Variants in SETX observed in about 807,000 individuals in gnomAD.
SETX encodes senataxin.
A neutral mutation model predicts 227.2 loss-of-function variants in SETX; 90 were observed. The ratio of observed to expected loss-of-function variants is 0.40; its 90% CI spans 0.33 to 0.47. The LOEUF is 0.47. Among genes scored for constraint, SETX ranks in the 20% least tolerant of loss-of-function variants. The pLI is 0.91. For missense variants in SETX, 3,052 were observed against 3,181.5 expected (o/e 0.96, Z 0.98); for synonymous variants, 1,210 against 1,113.2 (o/e 1.09, Z -1.73).
chr9:132,295,114 T>C (rs1844593553), intron 15 of SETX, among the ~76,000 whole-genome samples: 1 of 152,176 alleles, frequency 6.6e-6, no homozygotes, highest in African/African-American at 2.4e-5. Context: ...AGTGTTAAGG[T>C]TAAATAAAAT....
At chr9:132,304,699 A>C (rs1011272328) in intron 11 of SETX, among the ~76,000 whole-genome samples, 1 of 151,996 alleles carries the variant, frequency 6.6e-6, no homozygotes, top group African/African-American at 2.4e-5. Context: ...ACCGGGAAGG[A>C]AAAGAATACT....
At chr9:132,316,082 C>T (rs1391152992) in intron 10 of SETX, among the ~76,000 whole-genome samples, 1 of 152,178 alleles carries the variant, frequency 6.6e-6, no homozygotes, top group Non-Finnish European at 1.5e-5. Context: ...AACTCTATAT[C>T]CTATAAATGA....
intron 4 of SETX, among the ~76,000 whole-genome samples, chr9:132,343,041 C>T (rs891486857): frequency 1.1e-4 from 17 of 151,756 alleles, no homozygotes; most frequent in African/African-American, 3.1e-4. Context: ...CCTTTTTTGC[C>T]GGGCGCGGTG....
At chr9:132,355,819 T>C (rs1848880336), upstream of SETX, among the ~76,000 whole-genome samples, 1 of 151,978 alleles carries the variant, frequency 6.6e-6, no homozygotes, top group Admixed American at 6.5e-5. Context: ...AAACTCCGTC[T>C]CTACTAAAAA....
At chr9:132,349,582 C>A in intron 2 of SETX, 147 bp from the exon 3 acceptor site, 1 of 743,184 alleles carries the variant, frequency 1.3e-6, no homozygotes, top group Admixed American at 2.6e-5. Flanking sequence ...GCTTATCAAT[C>A]ACTGATTCAC....
intron 20 of SETX, among the ~76,000 whole-genome samples, chr9:132,279,354 G>A (rs1843363791): frequency 6.6e-6 from 1 of 152,096 alleles, no homozygotes; most frequent in South Asian, 2.1e-4. Context: ...CATGGCACAT[G>A]TATACATATG....
At chr9:132,283,447 G>A (rs1039241230) in intron 18 of SETX, 34 bp from the exon 19 acceptor site, 13 of 1,613,250 alleles carry the variant, frequency 8.1e-6, no homozygotes, top group Non-Finnish European at 1.1e-5. Context: ...ATATTCAGCT[G>A]TACATCAATC....
In SETX at chr9:132,298,094, T is replaced by C. The variant is rs372993859; in HGVS notation, c.5767A>G (p.Thr1923Ala). ...TCATCACTCACAATTCTCTCAGATG[T>C]TGTAGTCAGTAAATCTTTTGTACAG... ...DFCTKDLLTT[T>A]SERIIAYLRD... is the part of the protein sequence containing the mutation. Residue 1923 changes from threonine (T) to alanine (A), a missense_variant, in exon 13 of 26, where the codon ACA becomes GCA. By Grantham distance (58) the Thr-to-Ala change is moderately conservative. Transcript: ENST00000224140. 19 of 1,612,254 alleles carry C rather than the reference T, an allele frequency of 1.2e-5. No homozygotes were observed. Among genetic ancestry groups the C allele is most frequent in the African/African-American group, 2.7e-5 (2 of 74,912 alleles).
chr9:132,268,261 A>G (rs1421263514), intron 25 of SETX, among the ~76,000 whole-genome samples: 1 of 152,252 alleles, frequency 6.6e-6, no homozygotes, highest in Non-Finnish European at 1.5e-5. Context: ...AATAGTGATA[A>G]AAATCAACTT....
intron 20 of SETX, among the ~76,000 whole-genome samples, chr9:132,280,913 T>C (rs3780824): frequency 0.076 from 11,518 of 152,122 alleles, 834 homozygotes; most frequent in East Asian, 0.38. Flanking sequence ...TTGAGTCTTT[T>C]TTTCCCCTGT....
At chr9:132,347,457 C>T (rs999943695) in intron 3 of SETX, among the ~76,000 whole-genome samples, 4 of 151,446 alleles carry the variant, frequency 2.6e-5, no homozygotes, top group Admixed American at 6.6e-5. Flanking sequence ...GGATTACAGG[C>T]GCCCACCACC....
At position 132,272,874 on chromosome 9, in the gene SETX, G is replaced by A. The variant is rs550062925; in HGVS notation, c.7101-1066C>T. ...CCACATAGTACAAGTTATTTACTTA[G>A]TGTTAAGGTGGCAGCGCTCCCCAAA... On this transcript the variant is annotated intron_variant, in intron 23 of 25. Coordinates refer to ENST00000224140, the MANE Select transcript of SETX (RefSeq NM_015046.7). 9.2e-3 allele frequency among the ~76,000 whole-genome samples: 1,402 copies of A among 152,208 alleles called. 31 individuals are homozygous for A. The highest frequency in any genetic ancestry group is 0.032 in the African/African-American group (1,323 of 41,528).
chr9:132,289,711 C>A (rs760231081), intron 15 of SETX, among the ~76,000 whole-genome samples: 1 of 152,146 alleles, frequency 6.6e-6, no homozygotes, highest in Non-Finnish European at 1.5e-5. Context: ...TTCCACATCA[C>A]CTTGATACTC....
intron 18 of SETX, among the ~76,000 whole-genome samples, chr9:132,286,176 C>T (rs1260595178): frequency 7.4e-6 from 1 of 134,968 alleles, no homozygotes; most frequent in Non-Finnish European, 1.6e-5. Flanking sequence ...AGCAAGACTT[C>T]ACCTCAAAAA....
Position 132,327,042 on chromosome 9 carries a change from A to G in SETX, c.4556T>C (p.Leu1519Pro). 6.2e-7 allele frequency: 1 copy of G among 1,614,216 alleles called. No homozygotes were observed. The highest frequency in any genetic ancestry group is 1.1e-5 in the South Asian group (1 of 91,086). ...CSQMENDNYK[L>P]IELIHGKDTV... ...ATCTTTTCCATGAATTAGTTCAATG[A>G]GTTTATAATTGTCATTCTCCATTTG... The change falls in exon 10 of 26, where the codon CTC becomes CCC. Residue 1519 changes from leucine (L) to proline (P), a missense_variant. Coordinates refer to ENST00000224140, the MANE Select transcript of SETX (RefSeq NM_015046.7).
chr9:132,282,245 C>T (rs529926170), intron 19 of SETX, among the ~76,000 whole-genome samples: 22 of 150,942 alleles, frequency 1.5e-4, no homozygotes, highest in Non-Finnish European at 2.8e-4. Flanking sequence ...AAATTTTTCT[C>T]CTTTAAAGTC....
At chr9:132,315,784 C>T (rs895433996) in intron 10 of SETX, among the ~76,000 whole-genome samples, 3 of 152,168 alleles carry the variant, frequency 2.0e-5, no homozygotes, top group Non-Finnish European at 4.4e-5. Context: ...ATCTCCGGTT[C>T]GTGATGCAGT....
intron 7 of SETX, among the ~76,000 whole-genome samples, chr9:132,333,398 G>GAA (rs1204669172): frequency 1.3e-3 from 44 of 33,232 alleles, no homozygotes; most frequent in South Asian, 7.2e-3. Context: ...AAAAAAAAAA[G>GAA]AAAAAAAAAA....
Position 132,336,373 on chromosome 9 carries a change from G to C in SETX, c.641C>G (p.Ser214Cys). 1 of 1,614,092 alleles carries C rather than the reference G, an allele frequency of 6.2e-7. No homozygotes were observed. Among genetic ancestry groups the C allele is most frequent in the African/African-American group, 1.3e-5 (1 of 75,040 alleles). Residue 214 changes from serine to cysteine, a missense_variant, in exon 6 of 26, where the codon TCT (serine) becomes TGT (cysteine). Physicochemically the swap from Ser to Cys is moderately radical, Grantham distance 112. Transcript: ENST00000224140. ...AATCAGTTTACCCTTCTCTAGGACAGAAGAAGTATAAATGTCTGGACTCTC... is the reference window on the plus strand; with the variant it reads ...AATCAGTTTACCCTTCTCTAGGACACAAGAAGTATAAATGTCTGGACTCTC... ...LLESPDIYTSSVLEKGKLILL... is the reference protein window; with the variant it reads ...LLESPDIYTSCVLEKGKLILL...
Sources: allele counts gnomAD v4.1 joint callset (sites outside exome capture counted in the v4.1 genomes callset), GRCh38; gene constraint gnomAD v4.1.1; transcripts MANE v1.5; gene names NCBI Gene and HGNC (gene_info 2026-07-23, HGNC 2026-07-21).